ERCC1: variants seen among roughly 807,000 people sequenced by gnomAD.
ERCC1 encodes the protein DNA excision repair protein ERCC-1.
A neutral mutation model predicts 37.6 loss-of-function variants in ERCC1; 36 were observed. The ratio of observed to expected loss-of-function variants is 0.96; its 90% CI spans 0.73 to 1.26. The LOEUF is 1.26. Ranked by LOEUF, ERCC1 falls within the 50% of genes most tolerant of loss-of-function variation. The pLI is 0.00. For synonymous variants in ERCC1, 156 were observed against 162.1 expected, an observed-to-expected ratio of 0.96 and a Z score of 0.28; for missense variants, 349 against 376.5, an observed-to-expected ratio of 0.93 and a Z score of 0.60.
At chr19:45,442,081 G>A (rs938470393) in intron 1 of ERCC1, among the ~76,000 whole-genome samples, 5 of 152,078 alleles carry the variant, frequency 3.3e-5, no homozygotes, top group African/African-American at 9.6e-5. Context: ...GGAGGCCGAG[G>A]TGGGAGGATT....
At position 45,421,495 on chromosome 19, in the gene ERCC1, A is replaced by G. The variant is rs554866915; in HGVS notation, c.106-102T>C. Reference sequence around the variant, plus strand: ...CCCTTTCTTTTTCTTTTTTTGAGACAGTCTTGCTCTGTCACCCAGACTGGA... The same window carrying G: ...CCCTTTCTTTTTCTTTTTTTGAGACGGTCTTGCTCTGTCACCCAGACTGGA... On this transcript the variant is annotated intron_variant, in intron 2 of 9. Coordinates refer to ENST00000300853, the MANE Select transcript of ERCC1 (RefSeq NM_001983.4). 130 of 816,012 alleles carry G rather than the reference A, an allele frequency of 1.6e-4. 1 individual carries two copies. The South Asian group carries it at 2.2e-3, about 14-fold the overall frequency. 50.5% of individuals were successfully genotyped at this position (816,012 alleles called of 1,614,324 possible).
chr19:45,421,325 C>G lies in ERCC1; in HGVS notation c.174G>C (p.Gln58His), dbSNP rs1974407832. 2 of 1,613,968 alleles carry G rather than the reference C, an allele frequency of 1.2e-6. No individual in the cohort carries two copies. Among genetic ancestry groups the G allele is most frequent in the Non-Finnish European group, 1.7e-6 (2 of 1,180,044 alleles). ...GTGAGATGGCATATTCGGCGTAGGT[C>G]TGAGGGGCCGCCTGGGCCGAGGTGT... ...TVDTSAQAAP[Q>H]TYAEYAISQP... The change falls in exon 3 of 10, where the codon CAG (glutamine) becomes CAC (histidine). Residue 58 changes from glutamine to histidine, a missense_variant. Gln to His is a conservative substitution (Grantham distance 24, BLOSUM62 0). Transcript: ENST00000300853.
intron 1 of ERCC1, among the ~76,000 whole-genome samples, chr19:45,447,528 G>A (rs1308378435): frequency 2.0e-5 from 3 of 152,136 alleles, no homozygotes; most frequent in Middle Eastern, 3.4e-3. Context: ...ACCTGCCTCC[G>A]CCTCCCAAAG....
intron 1 of ERCC1, among the ~76,000 whole-genome samples, chr19:45,446,190 G>A (rs932255978): frequency 1.3e-5 from 2 of 152,148 alleles, no homozygotes; most frequent in Non-Finnish European, 2.9e-5. Context: ...GTGAGCCACC[G>A]CGCCTGGCTT....
At position 45,409,681 on chromosome 19, in the gene ERCC1, T is replaced by C. The variant is rs1568572588; in HGVS notation, c.888A>G (p.Val296=). The C allele has an allele frequency of 8.7e-7, 1 of 1,153,482 alleles. No homozygotes were observed. The highest frequency in any genetic ancestry group is 1.7e-5 in the Admixed American group (1 of 59,186). The allele number at this position is 1,153,482 out of a possible 1,614,324, so 71.5% of individuals were successfully genotyped here. A position where few individuals can be genotyped will look rare whatever the true frequency, so the allele number is the denominator to read the frequency against. ...TCCTTGGCAGCTGGGGTCATCAGGG[T>C]ACTTTCAAGAAGGGCTCGTGCAGGA... is the stretch of plus-strand genomic sequence containing the variant. ...FDVLHEPFLK[V]P is the part of the protein sequence containing the mutation. The change falls in exon 10 of 10, where the codon GTA becomes GTG. Residue 296 remains valine, a synonymous_variant. Transcript: ENST00000300853.
chr19:45,435,718 A>G (rs1348965447), intron 1 of ERCC1, among the ~76,000 whole-genome samples: 1 of 152,110 alleles, frequency 6.6e-6, no homozygotes, highest in Non-Finnish European at 1.5e-5. Context: ...TTGGACTCCC[A>G]AAGTGTTGGG....
intron 9 of ERCC1, among the ~76,000 whole-genome samples, chr19:45,413,149 C>T (rs1973843176): frequency 6.6e-6 from 1 of 152,224 alleles, no homozygotes; most frequent in Non-Finnish European, 1.5e-5. Context: ...TCCTGGAGAG[C>T]TTCTCAATGT....
intron 2 of ERCC1, among the ~76,000 whole-genome samples, chr19:45,423,032 C>T (rs1974533871): frequency 6.6e-6 from 1 of 152,166 alleles, no homozygotes. Flanking sequence ...TCGTAAAACA[C>T]ATCAGGGGCT....
At chr19:45,415,966 T>C (rs1168107895) in intron 6 of ERCC1, 1 of 344,976 alleles carries the variant, frequency 2.9e-6, no homozygotes, top group African/African-American at 2.2e-5. Context: ...CAAGGTGTTG[T>C]CTCCACAAAA....
chr19:45,442,315 C>CA (rs61166082), intron 1 of ERCC1, among the ~76,000 whole-genome samples: 10,435 of 85,604 alleles, frequency 0.12, 1,266 homozygotes, highest in African/African-American at 0.35. Context: ...GACCCTGTCT[C>CA]AAAAAAAAAA....
intron 7 of ERCC1, 86 bp from the exon 8 acceptor site, chr19:45,414,120 G>T: frequency 9.5e-7 from 1 of 1,057,488 alleles, no homozygotes; most frequent in Non-Finnish European, 1.5e-6. Flanking sequence ...TCACAGCTGT[G>T]TCCCCAGACT....
chr19:45,410,111 TCTC>T (rs1459102809), intron 9 of ERCC1: 2 of 155,438 alleles, frequency 1.3e-5, no homozygotes, highest in East Asian at 1.9e-4. Flanking sequence ...ATGGTCTCGA[TCTC>T]CTGACCTCCT....
At chr19:45,446,985 G>A (rs918697271) in intron 1 of ERCC1, among the ~76,000 whole-genome samples, 1 of 152,050 alleles carries the variant, frequency 6.6e-6, no homozygotes, top group African/African-American at 2.4e-5. Context: ...GTGACAGGGT[G>A]AGACTCTGTC....
rs1319067405 is a variant in ERCC1 at position 45,421,293 on chromosome 19, A to G, written c.206T>C (p.Leu69Pro). Reference sequence around the variant, plus strand: ...GGGGCACGTGGCCCCAGCCCCTTCCAGAGGCTGTGAGATGGCATATTCGGC... The same window carrying G: ...GGGGCACGTGGCCCCAGCCCCTTCCGGAGGCTGTGAGATGGCATATTCGGC... Reference protein sequence around the residue: ...TYAEYAISQPLEGAGATCPTG... With the variant: ...TYAEYAISQPPEGAGATCPTG... Residue 69 changes from leucine to proline, a missense_variant, in exon 3 of 10, where the codon CTG becomes CCG. By Grantham distance (98) the Leu-to-Pro change is moderately conservative (BLOSUM62 -3). Coordinates refer to ENST00000300853, the MANE Select transcript of ERCC1 (RefSeq NM_001983.4). 1 of 1,614,136 alleles carries G rather than the reference A, an allele frequency of 6.2e-7. No individual in the cohort carries two copies. Among genetic ancestry groups the G allele is most frequent in the Non-Finnish European group, 8.5e-7 (1 of 1,180,030 alleles).
chr19:45,425,267 A>G (rs893775205), upstream of ERCC1, among the ~76,000 whole-genome samples: 2 of 151,666 alleles, frequency 1.3e-5, no homozygotes, highest in South Asian at 2.1e-4. Context: ...TACGTAAAAG[A>G]TAAAAGCCCC....
upstream of ERCC1, among the ~76,000 whole-genome samples, chr19:45,427,357 C>G (rs1974720132): frequency 2.0e-5 from 3 of 152,132 alleles, no homozygotes; most frequent in South Asian, 2.1e-4. Flanking sequence ...CGCCTGTAAT[C>G]TCGGCACTTT....
intron 1 of ERCC1, 115 bp downstream of exon 1, chr19:45,423,666 C>T (rs1164646391): frequency 4.5e-5 from 57 of 1,273,886 alleles, no homozygotes; most frequent in Non-Finnish European, 5.5e-5. Flanking sequence ...TTCGTCCGGC[C>T]CCCGAGGCTA....
intron 1 of ERCC1, among the ~76,000 whole-genome samples, chr19:45,431,005 T>C (rs1974817378): frequency 6.6e-6 from 1 of 151,920 alleles, no homozygotes; most frequent in African/African-American, 2.4e-5. Context: ...CAGGCTGGAG[T>C]GCAGTGGCAC....
chr19:45,427,809 T>C (rs1378375358), upstream of ERCC1, among the ~76,000 whole-genome samples: 3 of 152,124 alleles, frequency 2.0e-5, no homozygotes, highest in Admixed American at 6.6e-5. Context: ...ATTGGAAGTG[T>C]TGGGGAGCCG....
Sources: allele counts gnomAD v4.1 joint callset (sites outside exome capture counted in the v4.1 genomes callset), GRCh38; gene constraint gnomAD v4.1.1; transcripts MANE v1.5; gene names NCBI Gene and HGNC (gene_info 2026-07-23, HGNC 2026-07-21).